The following B4GALT6 variants were observed in gnomAD, a reference collection of about 807,000 sequenced individuals.
B4GALT6 encodes UDP-Gal:beta-GlcNAc beta-1,4-galactosyltransferase 6.
Under a neutral mutation model 46.3 loss-of-function variants are expected in B4GALT6, and 14 were observed. The ratio of observed to expected loss-of-function variants is 0.30; its 90% confidence interval spans 0.20 to 0.47. B4GALT6 has a LOEUF of 0.47. B4GALT6 is among the 20% of genes least tolerant of loss of function. B4GALT6 has a pLI of 0.99. For missense variants in B4GALT6, 386 were observed against 480.1 expected, an observed-to-expected ratio of 0.80 and a Z score of 1.83; for synonymous variants, 168 against 162.0, an observed-to-expected ratio of 1.04 and a Z score of -0.28.
rs573745690 is a variant in B4GALT6 at position 31,666,594 on chromosome 18, TATCA to T, written c.116-226_116-223del. Among the ~76,000 whole-genome samples the T allele has an allele frequency of 2.6e-5, 4 of 152,300 alleles. No individual in the cohort carries two copies. The East Asian group carries it at 7.7e-4, about 29-fold the overall frequency. Reference sequence around the variant, plus strand: ...CAAAAAAAAAGTTGAAATACCCACCTATCAAATAGAATGAAACTAACTGAACAAA... The same window carrying T: ...CAAAAAAAAAGTTGAAATACCCACCTAATAGAATGAAACTAACTGAACAAA... On this transcript the variant is annotated intron_variant, in intron 1 of 8. Transcript: ENST00000306851.
chr18:31,667,603 A>G (rs1358201611), intron 1 of B4GALT6, among the ~76,000 whole-genome samples: 3 of 152,224 alleles, frequency 2.0e-5, no homozygotes, highest in Admixed American at 6.5e-5. Context: ...ACTACTAGAA[A>G]AGCAGAGTAA....
intron 3 of B4GALT6, among the ~76,000 whole-genome samples, chr18:31,647,327 T>C (rs1010473492): frequency 5.3e-5 from 8 of 152,220 alleles, no homozygotes; most frequent in African/African-American, 1.4e-4. Context: ...CAGCATCATT[T>C]GCAGTTTAAT....
the B4GALT6 span, chr18:31,724,281 TG>T: frequency 2.4e-6 from 1 of 409,102 alleles, no homozygotes; most frequent in Non-Finnish European, 4.2e-6. Flanking sequence ...GCTGCGTCTC[TG>T]GGCCCCACGG....
At chr18:31,707,281 A>G in the B4GALT6 span, among the ~76,000 whole-genome samples, 1 of 139,776 alleles carries the variant, frequency 7.2e-6, no homozygotes, top group African/African-American at 2.7e-5. Context: ...AACTGAACCT[A>G]TTCTCCATCT....
At chr18:31,634,728 C>T (rs145604206) in intron 5 of B4GALT6, among the ~76,000 whole-genome samples, 33 of 152,310 alleles carry the variant, frequency 2.2e-4, no homozygotes, top group Admixed American at 1.0e-3. Context: ...CCCTGGGTAC[C>T]TGTCTAGCAG....
At chr18:31,712,312 T>C in the B4GALT6 span, among the ~76,000 whole-genome samples, 152 of 71,150 alleles carry the variant, frequency 2.1e-3, no homozygotes, top group South Asian at 4.8e-3. Flanking sequence ...TTTTTTTTTT[T>C]TTTTTTTGTA....
chr18:31,683,695 C>T (rs1489024137), intron 1 of B4GALT6, among the ~76,000 whole-genome samples: 1 of 152,132 alleles, frequency 6.6e-6, no homozygotes, highest in Non-Finnish European at 1.5e-5. Context: ...GTCATCCTAA[C>T]AGGTAGCAAA....
At chr18:31,693,654 A>G in the B4GALT6 span, among the ~76,000 whole-genome samples, 1 of 152,194 alleles carries the variant, frequency 6.6e-6, no homozygotes, top group African/African-American at 2.4e-5. Context: ...CAAAGTGAAG[A>G]CAAAAAAGAA....
At chr18:31,680,055 T>C (rs1047691141) in intron 1 of B4GALT6, among the ~76,000 whole-genome samples, 1 of 152,262 alleles carries the variant, frequency 6.6e-6, no homozygotes. Context: ...AAAAAAAGCA[T>C]GGGACATGTG....
chr18:31,654,316 T>C (rs1287527381), intron 3 of B4GALT6, among the ~76,000 whole-genome samples: 1 of 152,230 alleles, frequency 6.6e-6, no homozygotes, highest in Non-Finnish European at 1.5e-5. Flanking sequence ...TAAGCACTTA[T>C]TAATTTTTAG....
chr18:31,697,485 C>T, the B4GALT6 span, among the ~76,000 whole-genome samples: 1 of 152,064 alleles, frequency 6.6e-6, no homozygotes, highest in Non-Finnish European at 1.5e-5. Flanking sequence ...GGTTGAGAAA[C>T]TCTGTCCTTT....
At chr18:31,692,180 A>C in the B4GALT6 span, among the ~76,000 whole-genome samples, 3 of 152,214 alleles carry the variant, frequency 2.0e-5, no homozygotes, top group Non-Finnish European at 2.9e-5. Context: ...GAACTACCGT[A>C]AACATATGCA....
chr18:31,672,283 T>A (rs2074365544), intron 1 of B4GALT6, among the ~76,000 whole-genome samples: 1 of 152,182 alleles, frequency 6.6e-6, no homozygotes, highest in African/African-American at 2.4e-5. Context: ...GAGAGGGAGA[T>A]GATGATCTTG....
At chr18:31,694,639 C>T in the B4GALT6 span, among the ~76,000 whole-genome samples, 1 of 152,360 alleles carries the variant, frequency 6.6e-6, no homozygotes, top group East Asian at 1.9e-4. Flanking sequence ...TTTGCAGCAA[C>T]TGGCCATTAT....
At position 31,667,466 on chromosome 18, in the gene B4GALT6, A is replaced by C. The variant is rs148772437; in HGVS notation, c.116-1094T>G. ...AATTAGGAATGCTGACTAATTTTCT[A>C]AGTGCTGCTCCAGTTTCTCAAGATG... On this transcript the variant is annotated intron_variant, in intron 1 of 8. Coordinates refer to ENST00000306851, the MANE Select transcript of B4GALT6 (RefSeq NM_004775.5). 4.6e-5 allele frequency among the ~76,000 whole-genome samples: 7 copies of C among 152,334 alleles called. No homozygotes were observed. In the East Asian group the frequency reaches 1.4e-3, roughly 29 times the overall value.
At chr18:31,723,144 C>A in the B4GALT6 span, among the ~76,000 whole-genome samples, 2 of 152,166 alleles carry the variant, frequency 1.3e-5, no homozygotes, top group Non-Finnish European at 2.9e-5. Context: ...CACCATCACA[C>A]AATGTTAATG....
chr18:31,656,080 G>C (rs1237382762), intron 3 of B4GALT6, among the ~76,000 whole-genome samples: 1 of 152,146 alleles, frequency 6.6e-6, no homozygotes, highest in Non-Finnish European at 1.5e-5. Context: ...CAGCAATGGG[G>C]CTTGACAAGA....
chr18:31,626,427 T>C, intron 7 of B4GALT6, 43 bp from the exon 8 acceptor site: 1 of 1,148,750 alleles, frequency 8.7e-7, no homozygotes, highest in Non-Finnish European at 1.3e-6. Flanking sequence ...AGAAATAAAA[T>C]ATGAAAATGG....
chr18:31,681,079 G>A (rs566489698), intron 1 of B4GALT6, among the ~76,000 whole-genome samples: 16 of 149,320 alleles, frequency 1.1e-4, no homozygotes, highest in Middle Eastern at 3.4e-3. Flanking sequence ...GTACTATGAC[G>A]GAAGAAAATG....
Sources: gnomAD v4.1 joint callset for allele counts (sites outside exome capture counted in the v4.1 genomes callset) on GRCh38, gnomAD v4.1.1 for gene constraint, MANE v1.5 for transcripts, NCBI Gene and HGNC (gene_info 2026-07-23, HGNC 2026-07-21) for gene names.